PLPP4: variants seen among roughly 807,000 people sequenced by gnomAD.
PLPP4 encodes phospholipid phosphatase 4, also known as diacylglycerol pyrophosphate like 2.
In PLPP4, 20 loss-of-function variants were observed where a neutral mutation model predicts 32.2. That is an observed-to-expected ratio of 0.62 (90% confidence interval 0.44 to 0.90). The LOEUF is 0.90. Among genes scored for constraint, PLPP4 ranks in the 40% least tolerant of loss-of-function variants. PLPP4 has a pLI of 0.00. For synonymous variants in PLPP4, 127 were observed against 133.0 expected (o/e 0.95, Z 0.31); for missense variants, 257 against 353.1 (o/e 0.73, Z 2.18).
chr10:120,503,499 G>T, intron 1 of PLPP4: 1 of 1,557,108 alleles, frequency 6.4e-7, no homozygotes, highest in East Asian at 2.3e-5. Context: ...CCCTGGCCTT[G>T]CCCTATTCTG....
At chr10:120,571,879 A>G (rs1848957098) in intron 5 of PLPP4, among the ~76,000 whole-genome samples, 1 of 152,232 alleles carries the variant, frequency 6.6e-6, no homozygotes, top group African/African-American at 2.4e-5. Context: ...AAAGGATATT[A>G]TGTTAGTTCA....
At chr10:120,522,534 A>G (rs1014350645) in intron 5 of PLPP4, among the ~76,000 whole-genome samples, 1 of 152,214 alleles carries the variant, frequency 6.6e-6, no homozygotes, top group Non-Finnish European at 1.5e-5. Flanking sequence ...TGGGACTTTC[A>G]ATGATCAAAT....
chr10:120,500,632 C>T (rs1459616140), intron 1 of PLPP4, among the ~76,000 whole-genome samples: 2 of 141,070 alleles, frequency 1.4e-5, no homozygotes, highest in Admixed American at 1.6e-4. Flanking sequence ...ATGAATAATT[C>T]TGACCACCCT....
chr10:120,514,634 G>C (rs762949941), intron 3 of PLPP4, among the ~76,000 whole-genome samples: 22 of 152,142 alleles, frequency 1.4e-4, no homozygotes, highest in Non-Finnish European at 2.4e-4. Flanking sequence ...TGACATTTCA[G>C]GATTAAATGC....
intron 1 of PLPP4, among the ~76,000 whole-genome samples, chr10:120,480,921 C>T (rs537428949): frequency 1.3e-5 from 2 of 152,334 alleles, no homozygotes; most frequent in Admixed American, 1.3e-4. Flanking sequence ...AAGTTAGGCT[C>T]TTCTTCCAAG....
chr10:120,494,928 T>C (rs1177001515), intron 1 of PLPP4, among the ~76,000 whole-genome samples: 4 of 152,348 alleles, frequency 2.6e-5, no homozygotes, highest in Middle Eastern at 3.4e-3. Context: ...GTATCTCTAA[T>C]TGGGGAAAAA....
intron 5 of PLPP4, among the ~76,000 whole-genome samples, chr10:120,569,507 T>C (rs1424310847): frequency 6.6e-6 from 1 of 152,258 alleles, no homozygotes; most frequent in Non-Finnish European, 1.5e-5. Flanking sequence ...TTGCATTTCC[T>C]GCCTCTGACA....
chr10:120,569,166 G>A (rs944258054), intron 5 of PLPP4, among the ~76,000 whole-genome samples: 3 of 151,894 alleles, frequency 2.0e-5, no homozygotes, highest in Non-Finnish European at 4.4e-5. Flanking sequence ...TTGAATCCGG[G>A]AGGCGGAGGT....
At chr10:120,545,455 T>C (rs1048211406) in intron 5 of PLPP4, among the ~76,000 whole-genome samples, 3 of 152,216 alleles carry the variant, frequency 2.0e-5, no homozygotes, top group African/African-American at 7.2e-5. Flanking sequence ...TTTTCTGGCC[T>C]CTGCTCACTT....
At chr10:120,563,193 C>T (rs1564842000) in intron 5 of PLPP4, among the ~76,000 whole-genome samples, 1 of 152,124 alleles carries the variant, frequency 6.6e-6, no homozygotes, top group Non-Finnish European at 1.5e-5. Flanking sequence ...GTGCGGAGAT[C>T]GCGCCACTGC....
At chr10:120,477,790 C>G (rs1197269514) in intron 1 of PLPP4, among the ~76,000 whole-genome samples, 1 of 152,144 alleles carries the variant, frequency 6.6e-6, no homozygotes, top group Non-Finnish European at 1.5e-5. Flanking sequence ...CAGGAAATAC[C>G]AAGTGAATGA....
chr10:120,587,769 A>T (rs1301517243), intron 6 of PLPP4, among the ~76,000 whole-genome samples: 1 of 152,204 alleles, frequency 6.6e-6, no homozygotes. Context: ...ACCACTCAAA[A>T]TGTCACCTAC....
intron 5 of PLPP4, among the ~76,000 whole-genome samples, chr10:120,552,739 A>G (rs1238389148): frequency 6.6e-6 from 1 of 152,198 alleles, no homozygotes; most frequent in South Asian, 2.1e-4. Context: ...CCTACAGAAC[A>G]CAAACTAACT....
At chr10:120,474,917 A>G (rs1483454232) in intron 1 of PLPP4, among the ~76,000 whole-genome samples, 2 of 152,226 alleles carry the variant, frequency 1.3e-5, no homozygotes, top group Admixed American at 1.3e-4. Flanking sequence ...TAGAGAGGTT[A>G]AAGATTTCAC....
intron 1 of PLPP4, among the ~76,000 whole-genome samples, chr10:120,462,898 G>T (rs562184313): frequency 6.6e-6 from 1 of 152,150 alleles, no homozygotes; most frequent in Non-Finnish European, 1.5e-5. Context: ...TTGTAAGAGG[G>T]AGGGGGACTT....
intron 6 of PLPP4, among the ~76,000 whole-genome samples, chr10:120,582,649 T>C (rs1824893395): frequency 6.6e-6 from 1 of 152,180 alleles, no homozygotes; most frequent in Non-Finnish European, 1.5e-5. Context: ...ATCATGTTCC[T>C]TTCTTACTAA....
intron 5 of PLPP4, among the ~76,000 whole-genome samples, chr10:120,541,899 C>G (rs958475454): frequency 6.6e-6 from 1 of 152,108 alleles, no homozygotes; most frequent in South Asian, 2.1e-4. Context: ...CTCAGCCTCC[C>G]GAGTAGCTGA....
At chr10:120,482,687 G>T (rs553893754) in intron 1 of PLPP4, among the ~76,000 whole-genome samples, 1 of 151,946 alleles carries the variant, frequency 6.6e-6, no homozygotes, top group Non-Finnish European at 1.5e-5. Context: ...GGCAGATCAC[G>T]AGGTCAGGAG....
intron 5 of PLPP4, among the ~76,000 whole-genome samples, chr10:120,544,225 T>A (rs1171256161): frequency 2.0e-5 from 3 of 152,212 alleles, no homozygotes; most frequent in Admixed American, 6.5e-5. Flanking sequence ...CATTTTACAT[T>A]TCCACGAACA....
Sources: allele counts gnomAD v4.1 joint callset (sites outside exome capture counted in the v4.1 genomes callset), GRCh38; gene constraint gnomAD v4.1.1; transcripts MANE v1.5; gene names NCBI Gene and HGNC (gene_info 2026-07-23, HGNC 2026-07-21).